RNF145: variants seen among roughly 807,000 people sequenced by gnomAD.
RNF145 encodes ring finger protein 145.
A neutral mutation model predicts 57.3 loss-of-function variants in RNF145; 12 were observed. The ratio of observed to expected loss-of-function variants is 0.21; its 90% CI spans 0.13 to 0.34. RNF145 has a LOEUF of 0.34. Among genes scored for constraint, RNF145 ranks in the 10% least tolerant of loss-of-function variants. RNF145 has a pLI of 1.00. For synonymous variants in RNF145, 262 were observed against 288.3 expected (o/e 0.91, Z 0.92); for missense variants, 429 against 799.0 (o/e 0.54, Z 5.58).
At chr5:159,203,170 T>A (rs1785732017) in intron 2 of RNF145, among the ~76,000 whole-genome samples, 2 of 152,180 alleles carry the variant, frequency 1.3e-5, no homozygotes, top group African/African-American at 4.8e-5. Flanking sequence ...TGTTTATATT[T>A]CATCATATTA....
chr5:159,204,598 G>GT (rs1372512325), intron 1 of RNF145, among the ~76,000 whole-genome samples: 2 of 152,118 alleles, frequency 1.3e-5, no homozygotes, highest in Non-Finnish European at 2.9e-5. Flanking sequence ...GAGGTCACGA[G>GT]TTCGAGACCA....
intron 6 of RNF145, among the ~76,000 whole-genome samples, chr5:159,171,060 A>G (rs1383141775): frequency 6.6e-6 from 1 of 152,196 alleles, no homozygotes; most frequent in Non-Finnish European, 1.5e-5. Flanking sequence ...ATGTGAAAGC[A>G]TCTAATTTTA....
intron 4 of RNF145, among the ~76,000 whole-genome samples, chr5:159,181,221 C>A (rs1358672984): frequency 2.0e-5 from 3 of 151,700 alleles, no homozygotes; most frequent in African/African-American, 7.3e-5. Flanking sequence ...AGACACCAGT[C>A]CACAGCATTC....
At chr5:159,205,218 G>C (rs1049638132) in intron 1 of RNF145, among the ~76,000 whole-genome samples, 1 of 152,064 alleles carries the variant, frequency 6.6e-6, no homozygotes, top group Non-Finnish European at 1.5e-5. Flanking sequence ...CATTTTTATA[G>C]ATAAGTACTG....
chr5:159,208,225 G>T (rs896442873), intron 1 of RNF145: 4 of 1,214,674 alleles, frequency 3.3e-6, no homozygotes, highest in Non-Finnish European at 1.1e-6. Context: ...AGCAGCAACC[G>T]GGCCGCCGCC....
Position 159,181,944 on chromosome 5 carries a change from C to A in RNF145, c.385+16G>T, listed in dbSNP as rs759076453. ...GTCGGTTCCTACCTACACTTTAATT[C>A]TTTTATAATACTTACCTATTAAGGC... On this transcript the variant is annotated intron_variant, in intron 4 of 10. Coordinates refer to ENST00000424310, the MANE Select transcript of RNF145 (RefSeq NM_001199383.2). 2.1e-6 allele frequency: 3 copies of A among 1,459,248 alleles called. No individual in the cohort carries two copies. Among genetic ancestry groups the A allele is most frequent in the East Asian group, 2.3e-5 (1 of 44,006 alleles). The allele number at this position is 1,459,248 out of a possible 1,614,324, so 90.4% of individuals were successfully genotyped here.
At position 159,169,654 on chromosome 5, in the gene RNF145, A is replaced by G. The variant is rs1355904344; in HGVS notation, c.938+25T>C. On this transcript the variant is annotated intron_variant, in intron 7 of 10. Transcript: ENST00000424310. The stretch of plus-strand genomic sequence containing the variant: ...AGTTATCTATAGTATTTACATTTCT[A>G]GATATAATCAAGGAAAGAACTTACC... 3 of 1,534,690 alleles carry G rather than the reference A, an allele frequency of 2.0e-6. No homozygotes were observed. The Admixed American group carries it at 6.6e-5, about 34-fold the overall frequency.
intron 5 of RNF145, 75 bp downstream of exon 5, chr5:159,176,557 A>G: frequency 1.1e-6 from 1 of 899,440 alleles, no homozygotes; most frequent in Admixed American, 2.5e-5. Flanking sequence ...TGAAATAAAA[A>G]TGAACTATAA....
intron 4 of RNF145, 145 bp from the exon 5 acceptor site, chr5:159,177,012 CTT>C (rs1346440488): frequency 5.2e-6 from 3 of 579,996 alleles, no homozygotes; most frequent in East Asian, 2.9e-5. Flanking sequence ...TTAAATCAAA[CTT>C]AAACTTCATC....
In RNF145 at chr5:159,158,474, C is replaced by A; in HGVS notation, c.*196G>T. The A allele has an allele frequency of 3.2e-6, 2 of 631,694 alleles. No individual in the cohort carries two copies. The highest frequency in any genetic ancestry group is 4.2e-5 in the South Asian group (2 of 47,258). 39.1% of individuals were successfully genotyped at this position (631,694 alleles called of 1,614,324 possible). A position where few individuals can be genotyped will look rare whatever the true frequency, so the allele number is the denominator to read the frequency against. ...ATATAAATACATTTTGATTAGCATA[C>A]ATTGCAAAATTTCTCCCACAATGTC... On this transcript the variant is annotated 3_prime_UTR_variant, in exon 11 of 11. Transcript: ENST00000424310.
At chr5:159,196,555 G>C (rs1306306044) in intron 2 of RNF145, among the ~76,000 whole-genome samples, 1 of 152,094 alleles carries the variant, frequency 6.6e-6, no homozygotes, top group Non-Finnish European at 1.5e-5. Context: ...CCTCTCTCAT[G>C]CTGAATCAAT....
At chr5:159,159,092 G>A in intron 10 of RNF145, 57 bp from the exon 11 acceptor site, 1 of 1,502,734 alleles carries the variant, frequency 6.7e-7, no homozygotes, top group African/African-American at 1.4e-5. Context: ...TATCTTTGGT[G>A]CTATCCCCAA....
At chr5:159,200,933 T>C (rs1785639440) in intron 2 of RNF145, among the ~76,000 whole-genome samples, 1 of 152,232 alleles carries the variant, frequency 6.6e-6, no homozygotes. Flanking sequence ...TTTCCACCTA[T>C]TGGAGTAGCC....
chr5:159,191,421 A>C (rs1247378113), intron 3 of RNF145, among the ~76,000 whole-genome samples: 1 of 151,998 alleles, frequency 6.6e-6, no homozygotes, highest in Non-Finnish European at 1.5e-5. Context: ...ATCCCAAAGG[A>C]ACATAAAAAA....
intron 3 of RNF145, among the ~76,000 whole-genome samples, chr5:159,185,193 A>G (rs1187192037): frequency 6.6e-6 from 1 of 152,160 alleles, no homozygotes; most frequent in African/African-American, 2.4e-5. Flanking sequence ...CTGACTCACC[A>G]AAAAGCCCCA....
intron 8 of RNF145, among the ~76,000 whole-genome samples, chr5:159,166,167 T>C (rs1328035904): frequency 6.6e-6 from 1 of 152,222 alleles, no homozygotes; most frequent in Non-Finnish European, 1.5e-5. Flanking sequence ...AGCCTTCACA[T>C]TTCCCTTATC....
At chr5:159,204,803 CA>C (rs1163143098) in intron 1 of RNF145, among the ~76,000 whole-genome samples, 28 of 47,052 alleles carry the variant, frequency 6.0e-4, no homozygotes, top group East Asian at 2.0e-3. Context: ...GACTCCGTCT[CA>C]AAAAAAAAAA....
intron 3 of RNF145, among the ~76,000 whole-genome samples, chr5:159,185,265 T>C (rs759581374): frequency 5.9e-5 from 9 of 152,050 alleles, no homozygotes; most frequent in Admixed American, 2.6e-4. Context: ...CAGCTCAGCT[T>C]AGCATGCCAG....
At chr5:159,162,548 C>T (rs1350578263) in intron 9 of RNF145, among the ~76,000 whole-genome samples, 1 of 151,092 alleles carries the variant, frequency 6.6e-6, no homozygotes. Context: ...CATTCTCCTG[C>T]CTCAGCCTCC....
Sources: gnomAD v4.1 joint callset for allele counts (sites outside exome capture counted in the v4.1 genomes callset) on GRCh38, gnomAD v4.1.1 for gene constraint, MANE v1.5 for transcripts, NCBI Gene and HGNC (gene_info 2026-07-23, HGNC 2026-07-21) for gene names.